The following ERBIN variants were observed in gnomAD, a reference collection of about 807,000 sequenced individuals.
ERBIN encodes densin-180-like protein.
Under a neutral mutation model 158.4 loss-of-function variants are expected in ERBIN, and 60 were observed. The ratio of observed to expected loss-of-function variants is 0.38; its 90% confidence interval spans 0.31 to 0.47. The LOEUF (loss-of-function observed/expected upper bound fraction) is 0.47, where lower values mean the gene tolerates loss of function less well. Ranked by LOEUF, ERBIN falls within the 20% of genes least tolerant of loss-of-function variation. The pLI, the probability that ERBIN is intolerant of heterozygous loss-of-function variation, is 0.99. For synonymous variants in ERBIN, 594 were observed against 557.2 expected, an observed-to-expected ratio of 1.07 and a Z score of -0.93; for missense variants, 1,610 against 1,648.0, an observed-to-expected ratio of 0.98 and a Z score of 0.40.
intron 1 of ERBIN, among the ~76,000 whole-genome samples, chr5:65,969,438 G>A (rs544169216): frequency 2.7e-4 from 41 of 152,272 alleles, no homozygotes; most frequent in African/African-American, 8.9e-4. Context: ...AACAGCTAAC[G>A]AAAATGTAGC....
At chr5:65,931,783 G>A (rs1280819839) in intron 1 of ERBIN, among the ~76,000 whole-genome samples, 1 of 150,506 alleles carries the variant, frequency 6.6e-6, no homozygotes, top group East Asian at 1.9e-4. Context: ...CAGGTATTTG[G>A]TTGGAAAAGG....
rs1755170981 is a variant in ERBIN at position 66,018,517 on chromosome 5, AT to A, written c.534-2804del. Among the ~76,000 whole-genome samples the A allele has an allele frequency of 3.4e-4, 4 of 11,876 alleles. 1 individual carries two copies. The highest frequency in any genetic ancestry group is 6.4e-4 in the Non-Finnish European group (4 of 6,280). 7.8% of individuals were successfully genotyped at this position (11,876 alleles called of 152,430 possible). On this transcript the variant is annotated intron_variant, in intron 7 of 25. Transcript: ENST00000284037. Reference sequence around the variant, plus strand: ...TTATATAATATATATTATATATTATATAATATATATTATATTATATAATATA... The same window carrying A: ...TTATATAATATATATTATATATTATAAATATATATTATATTATATAATATA...
chr5:66,002,858 C>T (rs558130000), intron 4 of ERBIN, among the ~76,000 whole-genome samples: 4 of 152,210 alleles, frequency 2.6e-5, no homozygotes, highest in South Asian at 2.1e-4. Context: ...TTGTAGTTGA[C>T]GTTTTGAGCC....
At chr5:66,057,331 A>G (rs1233538098) in intron 21 of ERBIN, among the ~76,000 whole-genome samples, 2 of 152,294 alleles carry the variant, frequency 1.3e-5, no homozygotes, top group East Asian at 3.9e-4. Context: ...TACCTGACAC[A>G]TATAACTAAC....
intron 15 of ERBIN, among the ~76,000 whole-genome samples, chr5:66,040,987 T>A (rs1037013295): frequency 6.6e-6 from 1 of 151,896 alleles, no homozygotes; most frequent in Admixed American, 6.6e-5. Flanking sequence ...CATATAACAA[T>A]ACATTTGTAG....
intron 13 of ERBIN, among the ~76,000 whole-genome samples, chr5:66,027,882 T>G (rs1462010043): frequency 6.6e-6 from 1 of 152,060 alleles, no homozygotes; most frequent in Admixed American, 6.5e-5. Flanking sequence ...TATAGCAAAC[T>G]ATCACTAAGA....
intron 1 of ERBIN, among the ~76,000 whole-genome samples, chr5:65,927,853 C>T (rs894051048): frequency 5.9e-5 from 9 of 152,176 alleles, no homozygotes; most frequent in Non-Finnish European, 1.2e-4. Context: ...GTTTTGATAG[C>T]AGTAAACCCA....
At chr5:66,013,069 G>A (rs1754374504) in intron 5 of ERBIN, among the ~76,000 whole-genome samples, 1 of 152,162 alleles carries the variant, frequency 6.6e-6, no homozygotes, top group South Asian at 2.1e-4. Context: ...GCACACTATT[G>A]GCATCTAGTT....
intron 4 of ERBIN, among the ~76,000 whole-genome samples, chr5:65,999,356 A>C (rs1752790216): frequency 6.6e-6 from 1 of 152,230 alleles, no homozygotes; most frequent in African/African-American, 2.4e-5. Context: ...ATGAGACTCC[A>C]TCTCAAATGA....
At chr5:65,931,344 A>G (rs1432009392) in intron 1 of ERBIN, among the ~76,000 whole-genome samples, 2 of 152,242 alleles carry the variant, frequency 1.3e-5, no homozygotes, top group African/African-American at 4.8e-5. Context: ...CAGTGAAGCA[A>G]TAGAAAAATG....
intron 1 of ERBIN, among the ~76,000 whole-genome samples, chr5:65,939,758 G>C (rs1474095694): frequency 6.6e-6 from 1 of 152,230 alleles, no homozygotes; most frequent in African/African-American, 2.4e-5. Context: ...TGTGTTGGCC[G>C]GGCTGGTCTC....
chr5:66,071,362 C>G (rs1761510380), intron 21 of ERBIN, among the ~76,000 whole-genome samples: 1 of 150,734 alleles, frequency 6.6e-6, no homozygotes, highest in Non-Finnish European at 1.5e-5. Context: ...AAGTGAGACT[C>G]TCTCCAAAAA....
chr5:65,996,449 C>T (rs1340811337), intron 4 of ERBIN, among the ~76,000 whole-genome samples: 1 of 152,002 alleles, frequency 6.6e-6, no homozygotes, highest in Non-Finnish European at 1.5e-5. Flanking sequence ...AAATAATTGA[C>T]AAAATACGTG....
rs111824353 is a variant in ERBIN at position 66,014,741 on chromosome 5, A to G, written c.533+16A>G. On this transcript the variant is annotated intron_variant, in intron 7 of 25. Transcript: ENST00000284037. ...TGTTGCCTAAGTAAGTAAAGGTGCT[A>G]TTCTTTAAAAAACTTAATTTATAAT... The G allele has an allele frequency of 6.2e-6, 8 of 1,282,628 alleles. 1 individual carries two copies. In the African/African-American group the frequency reaches 6.3e-5, roughly 10 times the overall value. The allele number at this position is 1,282,628 out of a possible 1,614,324, so 79.5% of individuals were successfully genotyped here.
At chr5:65,946,399 C>A (rs974928373) in intron 1 of ERBIN, among the ~76,000 whole-genome samples, 2 of 151,638 alleles carry the variant, frequency 1.3e-5, no homozygotes, top group African/African-American at 4.9e-5. Flanking sequence ...TGAATGGAAT[C>A]ATATAGTACA....
intron 14 of ERBIN, among the ~76,000 whole-genome samples, chr5:66,035,402 A>T (rs1402854581): frequency 1.3e-5 from 2 of 152,216 alleles, no homozygotes; most frequent in Non-Finnish European, 2.9e-5. Context: ...ATGGAGGCAG[A>T]GGCCTGGAAA....
At chr5:65,973,195 T>C (rs1388785588) in intron 1 of ERBIN, among the ~76,000 whole-genome samples, 2 of 150,704 alleles carry the variant, frequency 1.3e-5, no homozygotes, top group Non-Finnish European at 1.5e-5. Flanking sequence ...TAGGTGGGAA[T>C]TGAACAGTGA....
chr5:65,988,915 C>T (rs770784881), intron 2 of ERBIN, among the ~76,000 whole-genome samples: 3 of 139,234 alleles, frequency 2.2e-5, no homozygotes, highest in African/African-American at 8.3e-5. Flanking sequence ...CCTGGGAGAT[C>T]GAGGCTGCAG....
intron 14 of ERBIN, 117 bp from the exon 15 acceptor site, chr5:66,038,266 T>G: frequency 1.8e-6 from 1 of 549,362 alleles, no homozygotes. Context: ...TAGATTTGTT[T>G]GTAACCTGCA....
Sources: allele counts gnomAD v4.1 joint callset (sites outside exome capture counted in the v4.1 genomes callset), GRCh38; gene constraint gnomAD v4.1.1; transcripts MANE v1.5; gene names NCBI Gene and HGNC (gene_info 2026-07-23, HGNC 2026-07-21).